Variants in SPATS2 observed in about 807,000 individuals in gnomAD.
SPATS2 encodes spermatogenesis associated serine rich 2, also known as spermatogenesis-associated serine-rich protein 2.
A neutral mutation model predicts 63.7 loss-of-function variants in SPATS2; 38 were observed. The observed-to-expected ratio is 0.60, with a 90% confidence interval of 0.46 to 0.78. The LOEUF (loss-of-function observed/expected upper bound fraction) is 0.78, where lower values mean the gene tolerates loss of function less well. Ranked by LOEUF, SPATS2 falls within the 30% of genes least tolerant of loss-of-function variation. The pLI, the probability that SPATS2 is intolerant of heterozygous loss-of-function variation, is 0.00. For missense variants in SPATS2, 588 were observed against 666.2 expected (o/e 0.88, Z 1.29); for synonymous variants, 207 against 232.9 (o/e 0.89, Z 1.01).
intron 12 of SPATS2, among the ~76,000 whole-genome samples, chr12:49,523,453 A>G (rs935130655): frequency 1.3e-5 from 2 of 152,114 alleles, no homozygotes; most frequent in African/African-American, 4.8e-5. Context: ...TATGATTGCC[A>G]CTGCACTCCA....
intron 2 of SPATS2, among the ~76,000 whole-genome samples, chr12:49,380,687 CAG>C (rs1240329061): frequency 6.6e-6 from 1 of 150,896 alleles, no homozygotes; most frequent in Non-Finnish European, 1.5e-5. Flanking sequence ...GCCTGGGAGA[CAG>C]AGCAAGACTC....
intron 10 of SPATS2, 56 bp downstream of exon 10, chr12:49,514,669 C>G: frequency 6.7e-7 from 1 of 1,494,894 alleles, no homozygotes. Flanking sequence ...TAGGTACCTA[C>G]TTCCCAACCC....
At chr12:49,498,261 T>C (rs1220337185) in intron 8 of SPATS2, among the ~76,000 whole-genome samples, 1 of 151,272 alleles carries the variant, frequency 6.6e-6, no homozygotes, top group African/African-American at 2.4e-5. Flanking sequence ...TGGAAATGCA[T>C]ATCTTGGCAT....
At chr12:49,430,857 A>T (rs551957278) in intron 2 of SPATS2, among the ~76,000 whole-genome samples, 6 of 150,022 alleles carry the variant, frequency 4.0e-5, no homozygotes, top group African/African-American at 2.4e-5. Flanking sequence ...GTGCCACCAC[A>T]CCTGGCTAAT....
intron 9 of SPATS2, 70 bp from the exon 10 acceptor site, chr12:49,514,485 A>G (rs1555193241): frequency 7.0e-7 from 1 of 1,436,774 alleles, no homozygotes; most frequent in South Asian, 1.2e-5. Context: ...TTTCTTTACT[A>G]TTAATAATGT....
At chr12:49,416,263 C>G (rs1418209545) in intron 2 of SPATS2, among the ~76,000 whole-genome samples, 1 of 152,056 alleles carries the variant, frequency 6.6e-6, no homozygotes, top group Non-Finnish European at 1.5e-5. Flanking sequence ...TCACCAGCGT[C>G]TCTTATGCAG....
intron 10 of SPATS2, 40 bp from the exon 11 acceptor site, chr12:49,519,033 T>A (rs781660821): frequency 1.3e-6 from 2 of 1,524,170 alleles, no homozygotes; most frequent in Middle Eastern, 1.7e-4. Flanking sequence ...TTATCCTATT[T>A]AGCAGCAACA....
chr12:49,426,309 A>G (rs1462640035), intron 2 of SPATS2, among the ~76,000 whole-genome samples: 1 of 152,106 alleles, frequency 6.6e-6, no homozygotes, highest in East Asian at 1.9e-4. Context: ...TATTCAGATC[A>G]GGATCCTAGA....
rs144472392 is a variant in SPATS2 at position 49,526,633 on chromosome 12, G to A, written c.*378G>A. ...AAGCCGAAGCCACAGGTGCCTGACA[G>A]GTTCCCTTCTAACAACTATTTGACC... On this transcript the variant is annotated 3_prime_UTR_variant, in exon 14 of 14. Coordinates refer to ENST00000552918, the MANE Select transcript of SPATS2 (RefSeq NM_023071.4). 1.3e-4 allele frequency: 27 copies of A among 201,362 alleles called. No homozygotes were observed. The East Asian group carries it at 3.4e-3, about 25-fold the overall frequency. The allele number at this position is 201,362 out of a possible 1,614,324, so 12.5% of individuals were successfully genotyped here.
At chr12:49,473,063 AAGAC>A (rs1019996031) in intron 3 of SPATS2, among the ~76,000 whole-genome samples, 2 of 151,302 alleles carry the variant, frequency 1.3e-5, no homozygotes, top group African/African-American at 4.8e-5. Flanking sequence ...AAAAAAAAAA[AAGAC>A]AACAACAACC....
Position 49,484,632 on chromosome 12 carries a change from T to A in SPATS2, c.68T>A (p.Leu23Gln), listed in dbSNP as rs1946258818. 3.7e-6 allele frequency: 6 copies of A among 1,613,978 alleles called. No homozygotes were observed. Among genetic ancestry groups the A allele is most frequent in the Non-Finnish European group, 5.1e-6 (6 of 1,179,980 alleles). ...TTTGATTTGCAGTCCAATACCGTAC[T>A]GGCCCAGGGAGGAGCTTTTGAGAAC... ...FIFDLQSNTV[L>Q]AQGGAFENMK... Residue 23 changes from leucine to glutamine, a missense_variant, in exon 4 of 14, where the codon CTG (leucine) becomes CAG (glutamine). Coordinates refer to ENST00000552918, the MANE Select transcript of SPATS2 (RefSeq NM_023071.4).
chr12:49,515,391 C>T (rs1208501355), intron 10 of SPATS2, among the ~76,000 whole-genome samples: 1 of 152,138 alleles, frequency 6.6e-6, no homozygotes, highest in East Asian at 1.9e-4. Context: ...TATTTTAACC[C>T]ACCCCCAAAC....
In SPATS2 at chr12:49,462,329, G is replaced by A. The variant is rs1350150255; in HGVS notation, c.25+1292G>A. ...ACTGGAGGGCATGAGTGCTGGAACCGGCTGGCTGCTTCAGTACCAGCAGGG... is the reference window on the plus strand; with the variant it reads ...ACTGGAGGGCATGAGTGCTGGAACCAGCTGGCTGCTTCAGTACCAGCAGGG... On this transcript the variant is annotated intron_variant, in intron 3 of 13. Coordinates refer to ENST00000552918, the MANE Select transcript of SPATS2 (RefSeq NM_023071.4). The A allele has an allele frequency of 3.0e-5, 21 of 702,294 alleles. 1 individual carries two copies. The highest frequency in any genetic ancestry group is 5.4e-5 in the East Asian group (2 of 37,300). The allele number at this position is 702,294 out of a possible 1,614,324, so 43.5% of individuals were successfully genotyped here. A position where few individuals can be genotyped will look rare whatever the true frequency, so the allele number is the denominator to read the frequency against.
At chr12:49,455,193 A>G (rs1347689816) in intron 2 of SPATS2, among the ~76,000 whole-genome samples, 2 of 152,180 alleles carry the variant, frequency 1.3e-5, no homozygotes, top group Non-Finnish European at 1.5e-5. Flanking sequence ...AGGTTGTATT[A>G]AAACACCATG....
At chr12:49,368,347 A>G (rs1943939359) in intron 1 of SPATS2, among the ~76,000 whole-genome samples, 11 of 152,182 alleles carry the variant, frequency 7.2e-5, no homozygotes, top group Admixed American at 2.6e-4. Flanking sequence ...TTAGCAGGCT[A>G]CTGTTCCTAA....
At chr12:49,520,727 ATT>A (rs554919186) in intron 11 of SPATS2, among the ~76,000 whole-genome samples, 8 of 143,216 alleles carry the variant, frequency 5.6e-5, no homozygotes, top group Admixed American at 1.4e-4. Flanking sequence ...TACCTTTTTA[ATT>A]TTTTTTTTTT....
chr12:49,374,765 G>A (rs538987787), intron 2 of SPATS2, among the ~76,000 whole-genome samples: 8 of 151,812 alleles, frequency 5.3e-5, no homozygotes, highest in African/African-American at 1.7e-4. Flanking sequence ...GTTCAAGAGC[G>A]GTCTGGCCAA....
intron 1 of SPATS2, among the ~76,000 whole-genome samples, chr12:49,369,030 CTTTTTTT>C (rs35158946): frequency 1.2e-4 from 12 of 102,598 alleles, no homozygotes; most frequent in Middle Eastern, 5.7e-3. Context: ...CAATGTGCCT[CTTTTTTT>C]TTTTTTTTTT....
At chr12:49,435,733 A>C (rs1372376043) in intron 2 of SPATS2, among the ~76,000 whole-genome samples, 1 of 148,970 alleles carries the variant, frequency 6.7e-6, no homozygotes, top group Admixed American at 6.8e-5. Flanking sequence ...AGCGGAGGGA[A>C]GGTCAGCAGA....
Sources: allele counts gnomAD v4.1 joint callset (sites outside exome capture counted in the v4.1 genomes callset), GRCh38; gene constraint gnomAD v4.1.1; transcripts MANE v1.5; gene names NCBI Gene and HGNC (gene_info 2026-07-23, HGNC 2026-07-21).